DLG2: variants seen among roughly 807,000 people sequenced by gnomAD.
DLG2 encodes the protein discs large MAGUK scaffold protein 2, also known as disks large homolog 2.
DLG2 carries 45 observed loss-of-function variants against 132.5 expected under a neutral mutation model. That is an observed-to-expected ratio of 0.34 (90% confidence interval 0.27 to 0.44). The LOEUF is 0.44. Ranked by LOEUF, DLG2 falls within the 20% of genes least tolerant of loss-of-function variation. The pLI, the probability that DLG2 is intolerant of heterozygous loss-of-function variation, is 1.00. For missense variants in DLG2, 1,045 were observed against 1,196.9 expected, an observed-to-expected ratio of 0.87 and a Z score of 1.87; for synonymous variants, 424 against 419.6, an observed-to-expected ratio of 1.01 and a Z score of -0.13.
intron 6 of DLG2, among the ~76,000 whole-genome samples, chr11:84,918,666 A>G (rs1005788249): frequency 1.3e-5 from 2 of 152,194 alleles, no homozygotes; most frequent in African/African-American, 4.8e-5. Context: ...AACTAGCTGT[A>G]CAACCTGGCT....
At chr11:84,707,477 G>A (rs1465663107) in intron 6 of DLG2, among the ~76,000 whole-genome samples, 1 of 151,726 alleles carries the variant, frequency 6.6e-6, no homozygotes, top group Non-Finnish European at 1.5e-5. Flanking sequence ...TAATATCCAG[G>A]TCCTGGACTT....
At chr11:83,546,488 G>A (rs931105688) in intron 19 of DLG2, among the ~76,000 whole-genome samples, 5 of 152,074 alleles carry the variant, frequency 3.3e-5, no homozygotes, top group East Asian at 1.9e-4. Context: ...GCGGAGATAC[G>A]ACAATGGGAT....
intron 6 of DLG2, among the ~76,000 whole-genome samples, chr11:84,618,361 A>G (rs1236915675): frequency 3.3e-5 from 5 of 152,020 alleles, no homozygotes; most frequent in Admixed American, 2.0e-4. Flanking sequence ...CAAGGCCCTC[A>G]CTCTGGTGAG....
At chr11:85,295,094 A>G (rs2079135834) in intron 3 of DLG2, among the ~76,000 whole-genome samples, 1 of 152,148 alleles carries the variant, frequency 6.6e-6, no homozygotes, top group African/African-American at 2.4e-5. Context: ...ATACTCCCAA[A>G]CCACCAGGAG....
At chr11:85,590,651 C>CTCTA (rs751265787) in intron 3 of DLG2, among the ~76,000 whole-genome samples, 1 of 148,770 alleles carries the variant, frequency 6.7e-6, no homozygotes, top group African/African-American at 2.5e-5. Context: ...CTCTCTCTCT[C>CTCTA]TATATATATA....
chr11:84,928,587 C>T (rs781601634), intron 6 of DLG2, among the ~76,000 whole-genome samples: 5 of 151,852 alleles, frequency 3.3e-5, no homozygotes, highest in East Asian at 1.9e-4. Flanking sequence ...AATACCTAGA[C>T]GATTCTTTCA....
Position 83,554,043 on chromosome 11 carries a change from G to A in DLG2, c.1941-12185C>T, listed in dbSNP as rs746821011. Among the ~76,000 whole-genome samples the A allele has an allele frequency of 3.4e-4, 52 of 151,814 alleles. 1 individual carries two copies. The highest frequency in any genetic ancestry group is 2.9e-5 in the Non-Finnish European group (2 of 67,934). On this transcript the variant is annotated intron_variant, in intron 19 of 27. Transcript: ENST00000376104. ...TGAGTAGCTGAGTAGTAACCATGTC[G>A]GGCTAATGTTTTCATGTTTTGTAGA...
At chr11:84,384,442 G>C (rs771502573) in intron 7 of DLG2, among the ~76,000 whole-genome samples, 5 of 151,944 alleles carry the variant, frequency 3.3e-5, no homozygotes, top group Non-Finnish European at 7.4e-5. Context: ...GAAGATAGTT[G>C]GGATAGTAAG....
intron 6 of DLG2, among the ~76,000 whole-genome samples, chr11:84,834,106 T>A (rs2079396374): frequency 6.6e-6 from 1 of 151,664 alleles, no homozygotes; most frequent in South Asian, 2.1e-4. Flanking sequence ...AGGAAAACCC[T>A]TTAGAGAGGA....
chr11:84,491,757 G>C (rs143316553), intron 7 of DLG2, among the ~76,000 whole-genome samples: 18 of 152,164 alleles, frequency 1.2e-4, no homozygotes, highest in African/African-American at 3.9e-4. Context: ...AAGTTCCATG[G>C]TTTTTAAAAA....
At chr11:83,644,845 T>G (rs1376201379) in intron 18 of DLG2, among the ~76,000 whole-genome samples, 1 of 152,148 alleles carries the variant, frequency 6.6e-6, no homozygotes, top group Non-Finnish European at 1.5e-5. Context: ...GAATTGTCAC[T>G]TAAGTGAGGC....
At chr11:83,847,376 C>T (rs939209700) in intron 16 of DLG2, among the ~76,000 whole-genome samples, 4 of 152,080 alleles carry the variant, frequency 2.6e-5, no homozygotes, top group Middle Eastern at 3.2e-3. Context: ...AAATGTCTTT[C>T]GAGTTGAAGC....
chr11:84,503,184 G>T (rs2099226961), intron 7 of DLG2, among the ~76,000 whole-genome samples: 1 of 152,164 alleles, frequency 6.6e-6, no homozygotes, highest in South Asian at 2.1e-4. Flanking sequence ...ATAAACCTTT[G>T]CATTGGTCTC....
In DLG2 at chr11:85,272,609, C is replaced by T. The variant is rs564931490; in HGVS notation, c.186+12611G>A. Among the ~76,000 whole-genome samples the T allele has an allele frequency of 3.3e-5, 5 of 152,108 alleles. No homozygotes were observed. In the East Asian group the frequency reaches 9.7e-4, roughly 29 times the overall value. On this transcript the variant is annotated intron_variant, in intron 4 of 27. Transcript: ENST00000376104. ...CACTGCTCAACGAAATAAAAGAGGA[C>T]ACAAACAAATGGAAGAACATTCCAT... is the stretch of plus-strand genomic sequence containing the variant.
At chr11:84,206,010 T>A (rs925029952) in intron 8 of DLG2, among the ~76,000 whole-genome samples, 2 of 151,844 alleles carry the variant, frequency 1.3e-5, no homozygotes, top group Non-Finnish European at 2.9e-5. Context: ...TCATTACGAG[T>A]CTTAAATATA....
chr11:83,767,920 A>G (rs1469550793), intron 18 of DLG2, among the ~76,000 whole-genome samples: 2 of 152,210 alleles, frequency 1.3e-5, no homozygotes, highest in Non-Finnish European at 2.9e-5. Flanking sequence ...TCACAAGGTC[A>G]TGCAGCTAGC....
intron 6 of DLG2, among the ~76,000 whole-genome samples, chr11:84,931,348 T>C (rs2154091315): frequency 6.6e-6 from 1 of 152,282 alleles, no homozygotes; most frequent in Non-Finnish European, 1.5e-5. Context: ...AATGTCTTTG[T>C]GTCATTCCCC....
At chr11:84,545,945 G>A (rs1225845441) in intron 6 of DLG2, among the ~76,000 whole-genome samples, 4 of 151,908 alleles carry the variant, frequency 2.6e-5, no homozygotes, top group African/African-American at 9.7e-5. Flanking sequence ...TAGTAGAGAT[G>A]GGGTTTCGCC....
At chr11:85,149,108 A>G (rs1261995920) in intron 5 of DLG2, among the ~76,000 whole-genome samples, 2 of 151,988 alleles carry the variant, frequency 1.3e-5, no homozygotes, top group Non-Finnish European at 1.5e-5. Flanking sequence ...CTTGGTCTAT[A>G]TGTCTGTTTT....
Sources: gnomAD v4.1 joint callset for allele counts (sites outside exome capture counted in the v4.1 genomes callset) on GRCh38, gnomAD v4.1.1 for gene constraint, MANE v1.5 for transcripts, NCBI Gene and HGNC (gene_info 2026-07-23, HGNC 2026-07-21) for gene names.